The following RGS6 variants were observed in gnomAD, a reference collection of about 807,000 sequenced individuals.
The protein encoded by RGS6 is regulator of G protein signaling 6.
Under a neutral mutation model 78.5 loss-of-function variants are expected in RGS6, and 30 were observed. The observed-to-expected ratio is 0.38, with a 90% CI of 0.29 to 0.52. The LOEUF is 0.52. Ranked by LOEUF, RGS6 falls within the 20% of genes least tolerant of loss-of-function variation. The probability of loss-of-function intolerance (pLI) is 0.85; values close to 1 mark genes in which losing one functional copy is unlikely to be tolerated. For synonymous variants in RGS6, 206 were observed against 206.0 expected (o/e 1.00, Z 0.00); for missense variants, 495 against 609.7 (o/e 0.81, Z 1.98).
intron 2 of RGS6, among the ~76,000 whole-genome samples, chr14:72,084,209 G>A (rs2094934611): frequency 6.6e-6 from 1 of 152,174 alleles, no homozygotes; most frequent in Non-Finnish European, 1.5e-5. Flanking sequence ...CTCATAAGGA[G>A]TGGGCAACCT....
chr14:72,281,222 C>G (rs2061533605), intron 2 of RGS6, among the ~76,000 whole-genome samples: 1 of 147,480 alleles, frequency 6.8e-6, no homozygotes, highest in Admixed American at 6.9e-5. Flanking sequence ...AATCTCAGCT[C>G]ACTGTAGCCT....
chr14:72,032,537 G>T (rs2091061433), intron 2 of RGS6, among the ~76,000 whole-genome samples: 1 of 151,990 alleles, frequency 6.6e-6, no homozygotes. Context: ...TGTGTACATT[G>T]TTGTGCCACA....
intron 3 of RGS6, among the ~76,000 whole-genome samples, chr14:72,389,023 A>T (rs574559582): frequency 6.6e-6 from 1 of 152,250 alleles, no homozygotes; most frequent in South Asian, 2.1e-4. Context: ...GGGAGCACAT[A>T]AAGTACTCCA....
chr14:72,209,163 C>T (rs847290), intron 2 of RGS6, among the ~76,000 whole-genome samples: 1 of 152,120 alleles, frequency 6.6e-6, no homozygotes, highest in Non-Finnish European at 1.5e-5. Flanking sequence ...ATTGCTTGAG[C>T]CTAGAAGGTT....
intron 3 of RGS6, among the ~76,000 whole-genome samples, chr14:72,358,040 C>T (rs574802692): frequency 9.8e-5 from 15 of 152,304 alleles, no homozygotes; most frequent in African/African-American, 2.9e-4. Flanking sequence ...AGGTACAGCT[C>T]GGGCCATGGC....
chr14:72,118,592 G>C (rs1403408253), intron 2 of RGS6, among the ~76,000 whole-genome samples: 1 of 152,186 alleles, frequency 6.6e-6, no homozygotes, highest in African/African-American at 2.4e-5. Context: ...GAGCAGAACA[G>C]TAAACCCAGG....
At chr14:71,925,166 A>G in the RGS6 span, among the ~76,000 whole-genome samples, 1 of 152,300 alleles carries the variant, frequency 6.6e-6, no homozygotes, top group South Asian at 2.1e-4. Context: ...TGATGATTTA[A>G]TGATGTGGAA....
intron 2 of RGS6, among the ~76,000 whole-genome samples, chr14:71,970,561 T>C (rs956290864): frequency 5.3e-5 from 8 of 151,880 alleles, no homozygotes; most frequent in Admixed American, 1.3e-4. Context: ...AGGGATAGAG[T>C]GTGGTTTGGA....
At chr14:72,381,695 A>G (rs575422659) in intron 3 of RGS6, among the ~76,000 whole-genome samples, 2 of 152,300 alleles carry the variant, frequency 1.3e-5, no homozygotes, top group South Asian at 4.1e-4. Context: ...TATTTTAGGA[A>G]GAAGAAAAAT....
At chr14:72,218,196 G>A (rs966782312) in intron 2 of RGS6, among the ~76,000 whole-genome samples, 6 of 152,086 alleles carry the variant, frequency 3.9e-5, no homozygotes, top group Non-Finnish European at 8.8e-5. Context: ...TGATAGATGA[G>A]CAGAAATGGG....
chr14:72,495,649 C>T (rs1598339280), intron 13 of RGS6, among the ~76,000 whole-genome samples: 1 of 152,268 alleles, frequency 6.6e-6, no homozygotes, highest in Non-Finnish European at 1.5e-5. Flanking sequence ...TGAATCCCCT[C>T]GACAGGTAAA....
intron 2 of RGS6, among the ~76,000 whole-genome samples, chr14:72,010,516 C>T (rs1291393441): frequency 6.6e-6 from 1 of 152,138 alleles, no homozygotes; most frequent in African/African-American, 2.4e-5. Context: ...CAGGTATACA[C>T]ATAGACCGCC....
At chr14:72,383,213 T>TAC (rs1555364567) in intron 3 of RGS6, among the ~76,000 whole-genome samples, 1,894 of 118,280 alleles carry the variant, frequency 0.016, 64 homozygotes, top group African/African-American at 0.035. Flanking sequence ...TATATATATA[T>TAC]ACACACAAAC....
the RGS6 span, among the ~76,000 whole-genome samples, chr14:72,624,694 T>C: frequency 1.1e-4 from 16 of 152,286 alleles, no homozygotes; most frequent in African/African-American, 3.8e-4. Context: ...TTGCATTTAA[T>C]TGTTGTGTTT....
intron 17 of RGS6, 53 bp downstream of exon 17, chr14:72,540,147 CT>C: frequency 6.6e-7 from 1 of 1,507,976 alleles, no homozygotes; most frequent in Non-Finnish European, 8.8e-7. Flanking sequence ...TTGGTTTTTT[CT>C]TTCTTCTTCT....
At chr14:72,024,968 T>C (rs2089531650) in intron 2 of RGS6, among the ~76,000 whole-genome samples, 1 of 152,194 alleles carries the variant, frequency 6.6e-6, no homozygotes, top group Non-Finnish European at 1.5e-5. Flanking sequence ...AAGAAATACT[T>C]AGCCTGAGGC....
intron 2 of RGS6, among the ~76,000 whole-genome samples, chr14:72,062,890 G>A (rs891827295): frequency 6.6e-6 from 1 of 152,154 alleles, no homozygotes; most frequent in Non-Finnish European, 1.5e-5. Flanking sequence ...ACAGTAGCAC[G>A]ATCTCAACTC....
chr14:71,983,637 T>G (rs1566959146), intron 2 of RGS6, among the ~76,000 whole-genome samples: 1 of 152,164 alleles, frequency 6.6e-6, no homozygotes, highest in Non-Finnish European at 1.5e-5. Flanking sequence ...GTCTTCGCCT[T>G]TGTCCTACCT....
chr14:71,938,507 C>G (rs2089943231), intron 1 of RGS6, among the ~76,000 whole-genome samples: 1 of 152,156 alleles, frequency 6.6e-6, no homozygotes, highest in Non-Finnish European at 1.5e-5. Context: ...CATCTGTGAA[C>G]AGGCCCTAGT....
Sources: gnomAD v4.1 joint callset for allele counts (sites outside exome capture counted in the v4.1 genomes callset) on GRCh38, gnomAD v4.1.1 for gene constraint, MANE v1.5 for transcripts, NCBI Gene and HGNC (gene_info 2026-07-23, HGNC 2026-07-21) for gene names.